ZNF723: variants seen among roughly 807,000 people sequenced by gnomAD.
ZNF723 encodes the protein zinc finger protein 723, also known as zinc finger protein 723, pseudogene.
A neutral mutation model predicts 9.4 loss-of-function variants in ZNF723; 5 were observed. That is an observed-to-expected ratio of 0.53 (90% CI 0.28 to 1.12). ZNF723 has a LOEUF of 1.12. Among genes scored for constraint, ZNF723 ranks in the 50% most tolerant of loss-of-function variants. ZNF723 has a pLI of 0.10. For synonymous variants in ZNF723, 158 were observed against 168.8 expected (o/e 0.94, Z 0.49); for missense variants, 450 against 501.5 (o/e 0.90, Z 0.98).
chr19:22,847,256 C>CT (rs35635094), intron 1 of ZNF723, among the ~76,000 whole-genome samples: 29,493 of 144,278 alleles, frequency 0.2, 3,276 homozygotes, highest in African/African-American at 0.32. Flanking sequence ...TTGTAAAGGC[C>CT]TTTTTTTTTT....
At chr19:22,828,789 A>T (rs1599467776), upstream of ZNF723, among the ~76,000 whole-genome samples, 1 of 152,322 alleles carries the variant, frequency 6.6e-6, no homozygotes, top group African/African-American at 2.4e-5. Context: ...AATTGAAGAA[A>T]ATAGGTAGAT....
At chr19:22,850,278 C>T (rs573688761) in intron 3 of ZNF723, among the ~76,000 whole-genome samples, 135 of 152,144 alleles carry the variant, frequency 8.9e-4, no homozygotes, top group Non-Finnish European at 1.6e-3. Context: ...ACCCTCTTGG[C>T]TCACTGTAAC....
chr19:22,852,036 C>A (rs1023295788), intron 3 of ZNF723, among the ~76,000 whole-genome samples: 4 of 151,914 alleles, frequency 2.6e-5, no homozygotes, highest in Non-Finnish European at 5.9e-5. Context: ...TGATCTGCCC[C>A]CTTCGGCCTC....
At chr19:22,826,811 T>C in the ZNF723 span, among the ~76,000 whole-genome samples, 2 of 152,218 alleles carry the variant, frequency 1.3e-5, no homozygotes, top group African/African-American at 2.4e-5. Context: ...GGTATACTTA[T>C]ATGTAGAGAA....
At chr19:22,849,861 G>A (rs1341162790) in intron 3 of ZNF723, among the ~76,000 whole-genome samples, 2 of 152,040 alleles carry the variant, frequency 1.3e-5, no homozygotes, top group African/African-American at 4.8e-5. Flanking sequence ...TAATTCTGAT[G>A]TCGTGCCATT....
At chr19:22,826,555 C>CT in the ZNF723 span, among the ~76,000 whole-genome samples, 2 of 152,214 alleles carry the variant, frequency 1.3e-5, no homozygotes, top group Non-Finnish European at 2.9e-5. Context: ...ACAGTTATAA[C>CT]TGTCACTCTC....
upstream of ZNF723, among the ~76,000 whole-genome samples, chr19:22,827,445 T>G (rs1967048709): frequency 1.6e-5 from 2 of 124,210 alleles, no homozygotes; most frequent in East Asian, 2.3e-4. Flanking sequence ...TTTGTTTTTT[T>G]GTTTGTTTGT....
the ZNF723 span, among the ~76,000 whole-genome samples, chr19:22,813,949 CT>C: frequency 6.6e-6 from 1 of 151,600 alleles, no homozygotes; most frequent in Non-Finnish European, 1.5e-5. Flanking sequence ...GTAGCTGGGA[CT>C]ACAGGCGTGT....
chr19:22,826,169 C>A, the ZNF723 span, among the ~76,000 whole-genome samples: 1 of 152,148 alleles, frequency 6.6e-6, no homozygotes, highest in Non-Finnish European at 1.5e-5. Context: ...TTCACTAGGC[C>A]CAGCATTTAG....
At chr19:22,849,436 T>C (rs1967362563) in intron 3 of ZNF723, 143 bp downstream of exon 3, 1 of 426,372 alleles carries the variant, frequency 2.3e-6, no homozygotes, top group Non-Finnish European at 4.3e-6. Flanking sequence ...AAAATTTTAC[T>C]CTCACATAGG....
At chr19:22,832,082 A>G (rs1231419667), upstream of ZNF723, among the ~76,000 whole-genome samples, 2 of 152,336 alleles carry the variant, frequency 1.3e-5, no homozygotes, top group Middle Eastern at 3.4e-3. Context: ...GGCCTGGCTC[A>G]TTTCAGGGAG....
At position 22,858,263 on chromosome 19, in the gene ZNF723, T is replaced by C; in HGVS notation, c.1372T>C (p.Cys458Arg). 4.5e-6 allele frequency: 6 copies of C among 1,320,048 alleles called. No individual in the cohort carries two copies. Among genetic ancestry groups the C allele is most frequent in the Admixed American group, 1.7e-5 (1 of 59,212 alleles). The allele number at this position is 1,320,048 out of a possible 1,614,324, so 81.8% of individuals were successfully genotyped here. Reference sequence around the variant, plus strand: ...AGAGAAACCCTACAAATGTGAAGAATGTGGCAAAGCTTTTAACCAATATTC... The same window carrying C: ...AGAGAAACCCTACAAATGTGAAGAACGTGGCAAAGCTTTTAACCAATATTC... Reference protein sequence around the residue: ...TKEKPYKCEECGKAFNQYSTL... With the variant: ...TKEKPYKCEERGKAFNQYSTL... Residue 458 changes from cysteine (C) to arginine (R), a missense_variant, in exon 4 of 4, where the codon TGT becomes CGT. Transcript: ENST00000600766.
rs759803976 is a variant in ZNF723, at chr19:22,857,788, C to G, written c.897C>G (p.Ser299Arg). The G allele has an allele frequency of 5.1e-5, 68 of 1,345,934 alleles. No individual in the cohort carries two copies. Among genetic ancestry groups the G allele is most frequent in the Non-Finnish European group, 7.1e-5 (67 of 937,276 alleles). 83.4% of individuals were successfully genotyped at this position (1,345,934 alleles called of 1,614,324 possible). A position where few individuals can be genotyped will look rare whatever the true frequency, so the allele number is the denominator to read the frequency against. The change falls in exon 4 of 4, where the codon AGC becomes AGG. Residue 299 changes from serine (S) to arginine (R), a missense_variant. Ser to Arg is a moderately radical substitution (Grantham distance 110). Transcript: ENST00000600766. The stretch of plus-strand genomic sequence containing the variant: ...GCAAAGCCTTTAATGTGTTCTCAAG[C>G]CTTAATAATCATAAGAGAATTCATA... ...ECGKAFNVFS[S>R]LNNHKRIHTG...
In ZNF723 at chr19:22,833,923, G is replaced by T. The variant is rs551237886; in HGVS notation, c.3+1541G>T. ...GCCCGGCCGCTATTTGTTTTTTAGC[G>T]TACTTTTTTTTTTTTTTTTTTTTTT... is the stretch of plus-strand genomic sequence containing the variant. On this transcript the variant is annotated intron_variant, in intron 1 of 3. Coordinates refer to ENST00000600766, the MANE Select transcript of ZNF723 (RefSeq NM_001349726.2). Among the ~76,000 whole-genome samples, 7 of 127,484 alleles carry T rather than the reference G, an allele frequency of 5.5e-5. No individual in the cohort carries two copies. In the South Asian group the frequency reaches 1.7e-3, roughly 32 times the overall value. The allele number at this position is 127,484 out of a possible 152,430, so 83.6% of individuals were successfully genotyped here.
chr19:22,846,449 C>T (rs531498884), intron 1 of ZNF723, among the ~76,000 whole-genome samples: 204 of 152,254 alleles, frequency 1.3e-3, no homozygotes, highest in Non-Finnish European at 2.4e-3. Flanking sequence ...ATGGCGAAAC[C>T]TCATCTCTAC....
chr19:22,834,710 G>A (rs1967143816), intron 1 of ZNF723, among the ~76,000 whole-genome samples: 1 of 152,096 alleles, frequency 6.6e-6, no homozygotes, highest in African/African-American at 2.4e-5. Context: ...CATTAAGATT[G>A]TCTTCACCTA....
chr19:22,825,796 T>C, the ZNF723 span, among the ~76,000 whole-genome samples: 1 of 152,248 alleles, frequency 6.6e-6, no homozygotes, highest in African/African-American at 2.4e-5. Context: ...GGTGACATAC[T>C]GCAGTGCCCA....
intron 3 of ZNF723, among the ~76,000 whole-genome samples, chr19:22,855,283 C>T (rs934058451): frequency 1.6e-4 from 23 of 145,884 alleles, no homozygotes; most frequent in African/African-American, 5.9e-4. Flanking sequence ...GGCTGGAGTA[C>T]AGTGGTGCAG....
the ZNF723 span, among the ~76,000 whole-genome samples, chr19:22,814,064 G>A: frequency 6.6e-6 from 1 of 152,008 alleles, no homozygotes; most frequent in South Asian, 2.1e-4. Flanking sequence ...CGCCCACCTC[G>A]GCCTCCCAAA....
Sources: gnomAD v4.1 joint callset for allele counts (sites outside exome capture counted in the v4.1 genomes callset) on GRCh38, gnomAD v4.1.1 for gene constraint, MANE v1.5 for transcripts, NCBI Gene and HGNC (gene_info 2026-07-23, HGNC 2026-07-21) for gene names.